B3GALT1: variants seen among roughly 807,000 people sequenced by gnomAD.
B3GALT1 encodes UDP-Gal:betaGlcNAc beta 1,3-galactosyltransferase, polypeptide 1.
A neutral mutation model predicts 23.2 loss-of-function variants in B3GALT1; 10 were observed. The ratio of observed to expected loss-of-function variants is 0.43; its 90% CI spans 0.27 to 0.73. B3GALT1 has a LOEUF of 0.73. Ranked by LOEUF, B3GALT1 falls within the 30% of genes least tolerant of loss-of-function variation. The probability of loss-of-function intolerance (pLI) is 0.21; values close to 1 mark genes in which losing one functional copy is unlikely to be tolerated. For missense variants in B3GALT1, 299 were observed against 405.4 expected (o/e 0.74, Z 2.25); for synonymous variants, 156 against 141.5 (o/e 1.10, Z -0.73).
At chr2:167,812,513 G>A (rs1688910425) in intron 3 of B3GALT1, among the ~76,000 whole-genome samples, 1 of 152,014 alleles carries the variant, frequency 6.6e-6, no homozygotes, top group African/African-American at 2.4e-5. Flanking sequence ...AAATTTTATA[G>A]GTAGATATCA....
chr2:167,762,701 G>A (rs530238496), intron 3 of B3GALT1, among the ~76,000 whole-genome samples: 2 of 152,244 alleles, frequency 1.3e-5, no homozygotes, highest in Middle Eastern at 6.8e-3. Flanking sequence ...TAGAGTTTGG[G>A]GTATGACTGG....
At chr2:167,616,998 A>G (rs1187535698) in intron 2 of B3GALT1, among the ~76,000 whole-genome samples, 53 of 152,118 alleles carry the variant, frequency 3.5e-4, no homozygotes, top group Non-Finnish European at 1.5e-5. Flanking sequence ...ACAATGGTCT[A>G]TTATAAAATA....
intron 2 of B3GALT1, among the ~76,000 whole-genome samples, chr2:167,520,444 G>T (rs1204826759): frequency 3.3e-5 from 5 of 152,124 alleles, no homozygotes; most frequent in Non-Finnish European, 5.9e-5. Flanking sequence ...TAGGAGCATT[G>T]TTGTGGTGGA....
chr2:167,345,022 A>G (rs2105250763), intron 1 of B3GALT1, among the ~76,000 whole-genome samples: 1 of 152,322 alleles, frequency 6.6e-6, no homozygotes, highest in East Asian at 1.9e-4. Flanking sequence ...AAATCCTAAT[A>G]AAATATTTTA....
At chr2:167,797,170 C>T (rs961966704) in intron 3 of B3GALT1, among the ~76,000 whole-genome samples, 1 of 152,140 alleles carries the variant, frequency 6.6e-6, no homozygotes, top group African/African-American at 2.4e-5. Context: ...TGTTCCCCAC[C>T]TCCTGTCTCC....
intron 1 of B3GALT1, among the ~76,000 whole-genome samples, chr2:167,419,003 A>G (rs888411507): frequency 6.6e-6 from 1 of 152,240 alleles, no homozygotes; most frequent in Non-Finnish European, 1.5e-5. Context: ...GTCTCACTGT[A>G]GGAATGAGAT....
chr2:167,811,449 A>G (rs971640005), intron 3 of B3GALT1, among the ~76,000 whole-genome samples: 2 of 152,170 alleles, frequency 1.3e-5, no homozygotes, highest in Non-Finnish European at 2.9e-5. Context: ...ACAGGTGTGC[A>G]TTTTCTGTTC....
intron 3 of B3GALT1, chr2:167,714,074 TC>T: frequency 6.5e-7 from 1 of 1,534,688 alleles, no homozygotes; most frequent in Non-Finnish European, 9.0e-7. Flanking sequence ...ATCTTTGGCA[TC>T]ATTTCTAGTG....
chr2:167,576,256 C>CT (rs1250177688), intron 2 of B3GALT1, among the ~76,000 whole-genome samples: 2 of 151,682 alleles, frequency 1.3e-5, no homozygotes, highest in Non-Finnish European at 3.0e-5. Context: ...AAGAAATGTG[C>CT]TTTTCTATTA....
intron 3 of B3GALT1, among the ~76,000 whole-genome samples, chr2:167,781,040 A>C (rs954288212): frequency 6.6e-6 from 1 of 152,210 alleles, no homozygotes; most frequent in African/African-American, 2.4e-5. Context: ...GTAATATTAG[A>C]GAGGGCTTGG....
At chr2:167,595,185 TGTG>T (rs1684755157) in intron 2 of B3GALT1, among the ~76,000 whole-genome samples, 1 of 152,126 alleles carries the variant, frequency 6.6e-6, no homozygotes, top group African/African-American at 2.4e-5. Context: ...GGTGCTGTGT[TGTG>T]GGGACCAGCA....
At chr2:167,660,342 A>G (rs1037316441) in intron 3 of B3GALT1, among the ~76,000 whole-genome samples, 1 of 152,058 alleles carries the variant, frequency 6.6e-6, no homozygotes, top group Admixed American at 6.6e-5. Context: ...GTGTCTATTT[A>G]GCCTGTGCTT....
chr2:167,738,996 G>A (rs373661777), intron 3 of B3GALT1, among the ~76,000 whole-genome samples: 12 of 152,124 alleles, frequency 7.9e-5, no homozygotes, highest in African/African-American at 2.9e-4. Flanking sequence ...GAAATATTCT[G>A]TCTCCCTATG....
At chr2:167,732,509 T>A (rs1178816493) in intron 3 of B3GALT1, among the ~76,000 whole-genome samples, 1 of 152,188 alleles carries the variant, frequency 6.6e-6, no homozygotes, top group African/African-American at 2.4e-5. Flanking sequence ...CTGGCACAGA[T>A]TTAACTTCAC....
intron 1 of B3GALT1, among the ~76,000 whole-genome samples, chr2:167,463,515 G>C (rs1357810353): frequency 1.3e-5 from 2 of 152,006 alleles, no homozygotes; most frequent in South Asian, 2.1e-4. Context: ...TCCTGTGATC[G>C]CATGGGTTAA....
In B3GALT1 at chr2:167,544,845, G is replaced by C. The variant is rs111901467; in HGVS notation, c.-410+54568G>C. ...CGATCGAAGGGTTCGTGGTCTCACG[G>C]GCTTCAAGGAATGAAGCCGTGGACC... is the stretch of plus-strand genomic sequence containing the variant. On this transcript the variant is annotated intron_variant, in intron 2 of 4. Transcript: ENST00000392690. Among the ~76,000 whole-genome samples the C allele has an allele frequency of 5.9e-3, 894 of 152,136 alleles. 6 individuals are homozygous for C. The highest frequency in any genetic ancestry group is 0.02 in the African/African-American group (841 of 41,498).
intron 1 of B3GALT1, among the ~76,000 whole-genome samples, chr2:167,317,433 A>G (rs781558650): frequency 2.0e-5 from 3 of 152,018 alleles, no homozygotes; most frequent in Admixed American, 6.6e-5. Flanking sequence ...TTGTTCCTGG[A>G]GGTAATTTCC....
At chr2:167,688,378 A>G (rs1344490113) in intron 3 of B3GALT1, among the ~76,000 whole-genome samples, 15 of 152,186 alleles carry the variant, frequency 9.9e-5, no homozygotes, top group Admixed American at 9.8e-4. Context: ...AAATGCTTCA[A>G]CAAGCAATTA....
chr2:167,852,467 G>GGT (rs66820655), intron 4 of B3GALT1, among the ~76,000 whole-genome samples: 14,096 of 146,502 alleles, frequency 0.096, 650 homozygotes, highest in Non-Finnish European at 0.11. Context: ...TATTCGTGAT[G>GGT]GTGTGTGTGT....
Sources: gnomAD v4.1 joint callset for allele counts (sites outside exome capture counted in the v4.1 genomes callset) on GRCh38, gnomAD v4.1.1 for gene constraint, MANE v1.5 for transcripts, NCBI Gene and HGNC (gene_info 2026-07-23, HGNC 2026-07-21) for gene names.